Variants in AMBRA1 observed in about 807,000 individuals in gnomAD.
The protein encoded by AMBRA1 is activating molecule in BECN1-regulated autophagy protein 1.
In AMBRA1, 47 loss-of-function variants were observed where a neutral mutation model predicts 125.4. That is an observed-to-expected ratio of 0.37 (90% CI 0.30 to 0.48). AMBRA1 has a LOEUF of 0.48. AMBRA1 is among the 20% of genes least tolerant of loss of function. AMBRA1 has a pLI of 0.99. For missense variants in AMBRA1, 1,331 were observed against 1,693.4 expected, an observed-to-expected ratio of 0.79 and a Z score of 3.76; for synonymous variants, 626 against 655.5, an observed-to-expected ratio of 0.95 and a Z score of 0.69.
chr11:46,563,365 C>T (rs1023341773), intron 1 of AMBRA1, among the ~76,000 whole-genome samples: 5 of 152,168 alleles, frequency 3.3e-5, no homozygotes, highest in Admixed American at 1.3e-4. Flanking sequence ...GCTGGGACTA[C>T]AGGTGTATAT....
At chr11:46,482,267 T>G (rs181386248) in intron 11 of AMBRA1, among the ~76,000 whole-genome samples, 1 of 152,334 alleles carries the variant, frequency 6.6e-6, no homozygotes, top group African/African-American at 2.4e-5. Flanking sequence ...TTTGGATAAT[T>G]GTAAATGCTG....
chr11:46,419,118 A>G (rs1946719624), intron 14 of AMBRA1, among the ~76,000 whole-genome samples: 1 of 152,234 alleles, frequency 6.6e-6, no homozygotes, highest in Admixed American at 6.5e-5. Context: ...GCAGAGGGGA[A>G]TCGTGAACAT....
At chr11:46,498,757 G>C (rs1453144787) in intron 9 of AMBRA1, among the ~76,000 whole-genome samples, 2 of 152,184 alleles carry the variant, frequency 1.3e-5, no homozygotes, top group East Asian at 3.9e-4. Flanking sequence ...CTTTATAAAT[G>C]AAGCTCTTGC....
At chr11:46,550,912 G>A (rs1259553507) in intron 1 of AMBRA1, among the ~76,000 whole-genome samples, 34 of 146,656 alleles carry the variant, frequency 2.3e-4, no homozygotes, top group African/African-American at 5.1e-4. Context: ...CAGTGAAACC[G>A]CGTCTCTACT....
At chr11:46,523,380 C>T (rs2135101361) in intron 7 of AMBRA1, among the ~76,000 whole-genome samples, 1 of 152,268 alleles carries the variant, frequency 6.6e-6, no homozygotes, top group Middle Eastern at 3.4e-3. Context: ...ATGAAATTGT[C>T]ATAAACGACA....
Position 46,408,619 on chromosome 11 carries a change from C to T in AMBRA1, c.3297G>A (p.Val1099=). 2 of 1,609,656 alleles carry T rather than the reference C, an allele frequency of 1.2e-6. No individual in the cohort carries two copies. The highest frequency in any genetic ancestry group is 1.7e-6 in the Non-Finnish European group (2 of 1,177,156). ...GLQPRNPATS[V]TSQGTQTLAL... is the part of the protein sequence containing the mutation. ...CCAGAGTCTGGGTGCCCTGAGATGT[C>T]ACTGAGGTGGCAGGGTTCCGGGGCT... Residue 1099 remains valine, a synonymous_variant, in exon 17 of 18, where the codon GTG becomes GTA. Transcript: ENST00000683756.
intron 1 of AMBRA1, among the ~76,000 whole-genome samples, chr11:46,572,169 C>T (rs1367450079): frequency 1.3e-5 from 2 of 152,022 alleles, no homozygotes; most frequent in African/African-American, 4.8e-5. Context: ...GGCGTGGTGG[C>T]GCCAGCCTGT....
chr11:46,497,061 A>G (rs1565219917), intron 9 of AMBRA1, among the ~76,000 whole-genome samples: 1 of 152,126 alleles, frequency 6.6e-6, no homozygotes, highest in African/African-American at 2.4e-5. Context: ...CAGTGAGCCA[A>G]GAGTGCACCA....
intron 7 of AMBRA1, among the ~76,000 whole-genome samples, chr11:46,536,767 T>G (rs151291366): frequency 6.6e-6 from 1 of 152,276 alleles, no homozygotes; most frequent in African/African-American, 2.4e-5. Flanking sequence ...TGTTCTAAGC[T>G]CCAAAGCAAT....
At chr11:46,553,196 G>C (rs572960547) in intron 1 of AMBRA1, among the ~76,000 whole-genome samples, 2 of 152,138 alleles carry the variant, frequency 1.3e-5, no homozygotes, top group African/African-American at 4.8e-5. Context: ...ACCCGCCTCA[G>C]CCTCCCAAAG....
At chr11:46,533,910 G>A (rs767552318) in intron 7 of AMBRA1, among the ~76,000 whole-genome samples, 1 of 151,518 alleles carries the variant, frequency 6.6e-6, no homozygotes, top group Non-Finnish European at 1.5e-5. Flanking sequence ...ACTGGCTGAC[G>A]GTGCCAAGCA....
At chr11:46,470,954 G>A (rs1173120097) in intron 11 of AMBRA1, among the ~76,000 whole-genome samples, 1 of 152,170 alleles carries the variant, frequency 6.6e-6, no homozygotes, top group Non-Finnish European at 1.5e-5. Context: ...CATATAGTAT[G>A]TTAAATTATG....
chr11:46,483,666 A>T (rs925337361), intron 11 of AMBRA1, among the ~76,000 whole-genome samples: 1 of 152,196 alleles, frequency 6.6e-6, no homozygotes, highest in Non-Finnish European at 1.5e-5. Flanking sequence ...TTGGGAGACC[A>T]AGGTGGGTGG....
chr11:46,492,132 G>GC (rs1950484883), intron 11 of AMBRA1, among the ~76,000 whole-genome samples: 1 of 152,206 alleles, frequency 6.6e-6, no homozygotes, highest in South Asian at 2.1e-4. Context: ...ACGGACCACA[G>GC]CATCTGTTTT....
At chr11:46,573,055 C>G (rs1018885855) in intron 1 of AMBRA1, among the ~76,000 whole-genome samples, 1 of 148,928 alleles carries the variant, frequency 6.7e-6, no homozygotes, top group Non-Finnish European at 1.5e-5. Flanking sequence ...GAGCCAAGAT[C>G]GCGCCATTGC....
chr11:46,560,819 A>C (rs981399952), intron 1 of AMBRA1, among the ~76,000 whole-genome samples: 1 of 152,222 alleles, frequency 6.6e-6, no homozygotes, highest in African/African-American at 2.4e-5. Flanking sequence ...AAAAAAGAGT[A>C]GCTTCTGATG....
At chr11:46,413,999 C>T (rs1314173214) in intron 15 of AMBRA1, among the ~76,000 whole-genome samples, 1 of 152,220 alleles carries the variant, frequency 6.6e-6, no homozygotes, top group Non-Finnish European at 1.5e-5. Context: ...TGGGCTTCCA[C>T]CTCACACCTG....
At chr11:46,440,247 A>G (rs530952455) in intron 12 of AMBRA1, among the ~76,000 whole-genome samples, 1 of 152,356 alleles carries the variant, frequency 6.6e-6, no homozygotes, top group South Asian at 2.1e-4. Flanking sequence ...CAGTCATAAA[A>G]AAGAACAAAT....
chr11:46,400,906 C>A (rs1042082157), intron 17 of AMBRA1, among the ~76,000 whole-genome samples: 3 of 152,194 alleles, frequency 2.0e-5, no homozygotes, highest in Non-Finnish European at 4.4e-5. Context: ...TCCTGGGACA[C>A]CCGGCTCCAG....
Sources: gnomAD v4.1 joint callset for allele counts (sites outside exome capture counted in the v4.1 genomes callset) on GRCh38, gnomAD v4.1.1 for gene constraint, MANE v1.5 for transcripts, NCBI Gene and HGNC (gene_info 2026-07-23, HGNC 2026-07-21) for gene names.